The following WDFY1 variants were observed in gnomAD, a reference collection of about 807,000 sequenced individuals.
The protein encoded by WDFY1 is WD repeat and FYVE domain containing 1, also known as WD repeat and FYVE domain-containing protein 1.
In WDFY1, 32 loss-of-function variants were observed where a neutral mutation model predicts 56.4. The ratio of observed to expected loss-of-function variants is 0.57; its 90% CI spans 0.43 to 0.76. WDFY1 has a LOEUF of 0.76. Among genes scored for constraint, WDFY1 ranks in the 30% least tolerant of loss-of-function variants. The probability of loss-of-function intolerance (pLI) is 0.00; values close to 1 mark genes in which losing one functional copy is unlikely to be tolerated. For synonymous variants in WDFY1, 192 were observed against 197.3 expected (o/e 0.97, Z 0.23); for missense variants, 480 against 545.7 (o/e 0.88, Z 1.20).
chr2:223,939,694 G>A lies in WDFY1; in HGVS notation c.137+5454C>T, dbSNP rs573528357. ...TCACTGCCACGAGAACAGTATGGGGGAAACTGCCCTCATGATTCAATTATT... is the reference window on the plus strand; with the variant it reads ...TCACTGCCACGAGAACAGTATGGGGAAAACTGCCCTCATGATTCAATTATT... On this transcript the variant is annotated intron_variant, in intron 1 of 11. Coordinates refer to ENST00000233055, the MANE Select transcript of WDFY1 (RefSeq NM_020830.5). Among the ~76,000 whole-genome samples, 5 of 152,218 alleles carry A rather than the reference G, an allele frequency of 3.3e-5. No homozygotes were observed. The East Asian group carries it at 9.7e-4, about 29-fold the overall frequency.
At chr2:223,904,459 GCCAGGCTGGCCT>G (rs1693564461) in intron 4 of WDFY1, among the ~76,000 whole-genome samples, 1 of 152,004 alleles carries the variant, frequency 6.6e-6, no homozygotes. Context: ...CACCATGTTG[GCCAGGCTGGCCT>G]CAAACTCCTG....
intron 1 of WDFY1, among the ~76,000 whole-genome samples, chr2:223,943,095 C>A (rs1372387933): frequency 6.6e-6 from 1 of 150,946 alleles, no homozygotes; most frequent in African/African-American, 2.4e-5. Context: ...GCAGGAGAAT[C>A]GCTTGAACCT....
At chr2:223,940,942 C>A (rs946355057) in intron 1 of WDFY1, among the ~76,000 whole-genome samples, 11 of 152,198 alleles carry the variant, frequency 7.2e-5, no homozygotes, top group Admixed American at 1.3e-4. Context: ...CCTGCCTCAG[C>A]CTCCCAAGTA....
chr2:223,914,435 CTTTCA>C (rs1488257914), intron 2 of WDFY1, among the ~76,000 whole-genome samples: 3 of 152,112 alleles, frequency 2.0e-5, no homozygotes, highest in Non-Finnish European at 4.4e-5. Flanking sequence ...AACATAAACC[CTTTCA>C]TTTATGATTG....
chr2:223,932,812 T>A (rs1694100687), intron 1 of WDFY1, among the ~76,000 whole-genome samples: 2 of 151,502 alleles, frequency 1.3e-5, no homozygotes, highest in Admixed American at 6.6e-5. Context: ...AACATTTCTG[T>A]CACCTATAGC....
At chr2:223,917,768 C>CA (rs1260929871) in intron 2 of WDFY1, among the ~76,000 whole-genome samples, 175 bp downstream of exon 2, 1 of 152,118 alleles carries the variant, frequency 6.6e-6, no homozygotes, top group Admixed American at 6.6e-5. Flanking sequence ...GACGGGCTTT[C>CA]ACCATGTTGG....
At chr2:223,938,859 T>TTTTA (rs2106105210) in intron 1 of WDFY1, among the ~76,000 whole-genome samples, 1 of 150,886 alleles carries the variant, frequency 6.6e-6, no homozygotes, top group East Asian at 1.9e-4. Context: ...AAGCAGTATT[T>TTTTA]TTTTTTTTTT....
At chr2:223,929,422 A>T (rs1456703663) in intron 1 of WDFY1, among the ~76,000 whole-genome samples, 1 of 152,032 alleles carries the variant, frequency 6.6e-6, no homozygotes, top group Non-Finnish European at 1.5e-5. Flanking sequence ...TCCTGACCTC[A>T]GGTGATCTGC....
intron 8 of WDFY1, among the ~76,000 whole-genome samples, chr2:223,889,203 C>T (rs1693226744): frequency 6.6e-6 from 1 of 152,086 alleles, no homozygotes; most frequent in Non-Finnish European, 1.5e-5. Flanking sequence ...GGTGTCTGGC[C>T]TCTCAATTCA....
chr2:223,895,394 T>G, intron 7 of WDFY1, 110 bp downstream of exon 7: 1 of 1,514,250 alleles, frequency 6.6e-7, no homozygotes, highest in Non-Finnish European at 9.1e-7. Context: ...CAATGATAAT[T>G]GCCATCTTAG....
At chr2:223,909,792 G>A (rs1273434131) in intron 3 of WDFY1, among the ~76,000 whole-genome samples, 1 of 151,920 alleles carries the variant, frequency 6.6e-6, no homozygotes, top group Non-Finnish European at 1.5e-5. Context: ...CATGGCCACT[G>A]TCCCTTCACC....
chr2:223,881,964 A>T lies in WDFY1; in HGVS notation c.1042T>A (p.Tyr348Asn). The T allele has an allele frequency of 6.2e-7, 1 of 1,613,910 alleles. No homozygotes were observed. The highest frequency in any genetic ancestry group is 8.5e-7 in the Non-Finnish European group (1 of 1,179,818). The change falls in exon 10 of 12, where the codon TAC (tyrosine) becomes AAC (asparagine). Residue 348 changes from tyrosine to asparagine, a missense_variant. Transcript: ENST00000233055. ...EFQVRVCDSC[Y>N]DSIKDEDRTS... Reference sequence around the variant, plus strand: ...CACTCTTCATCTTTGATGGAGTCGTAACAAGAATCACAAACCCGGACTTGG... The same window carrying T: ...CACTCTTCATCTTTGATGGAGTCGTTACAAGAATCACAAACCCGGACTTGG...
In WDFY1 at chr2:223,877,604, G is replaced by A. The variant is rs1374718286; in HGVS notation, c.*1067C>T. 2.0e-5 allele frequency: 3 copies of A among 152,210 alleles called. No individual in the cohort carries two copies. Among genetic ancestry groups the A allele is most frequent in the Non-Finnish European group, 2.9e-5 (2 of 68,050 alleles). 9.4% of individuals were successfully genotyped at this position (152,210 alleles called of 1,614,324 possible). On this transcript the variant is annotated 3_prime_UTR_variant, in exon 12 of 12. Coordinates refer to ENST00000233055, the MANE Select transcript of WDFY1 (RefSeq NM_020830.5). ...AGCAATTTATGAGTTGGGAATTATTGTGGAAGACTTGATGGATGATTATAG... is the reference window on the plus strand; with the variant it reads ...AGCAATTTATGAGTTGGGAATTATTATGGAAGACTTGATGGATGATTATAG...
intron 3 of WDFY1, among the ~76,000 whole-genome samples, chr2:223,911,493 A>G (rs1179091550): frequency 2.0e-5 from 3 of 152,120 alleles, no homozygotes; most frequent in South Asian, 2.1e-4. Flanking sequence ...AGAAACTTGA[A>G]TATCAGGTCC....
chr2:223,914,022 G>A (rs112809685), intron 2 of WDFY1, among the ~76,000 whole-genome samples: 5,191 of 96,276 alleles, frequency 0.054, 334 homozygotes, highest in African/African-American at 0.18. Context: ...TTTTTGAGAT[G>A]GTGTCTTGCT....
At chr2:223,880,461 GCT>G (rs1693047138) in intron 10 of WDFY1, among the ~76,000 whole-genome samples, 1 of 151,842 alleles carries the variant, frequency 6.6e-6, no homozygotes, top group Admixed American at 6.6e-5. Context: ...ATAAAAATTA[GCT>G]CTGTGTGGTG....
At chr2:223,879,059 T>C (rs1693021007) in intron 11 of WDFY1, among the ~76,000 whole-genome samples, 1 of 152,090 alleles carries the variant, frequency 6.6e-6, no homozygotes, top group Non-Finnish European at 1.5e-5. Context: ...TGGTGGCACA[T>C]GCCTGTGGTC....
chr2:223,942,378 C>A (rs1053612025), intron 1 of WDFY1, among the ~76,000 whole-genome samples: 1 of 151,572 alleles, frequency 6.6e-6, no homozygotes, highest in African/African-American at 2.4e-5. Flanking sequence ...TGCCACCACA[C>A]CTGGCTAATT....
intron 8 of WDFY1, among the ~76,000 whole-genome samples, chr2:223,887,264 T>A (rs1693188087): frequency 6.6e-6 from 1 of 152,176 alleles, no homozygotes. Flanking sequence ...CACAGGGTAT[T>A]TAATTGCCGG....
Sources: allele counts gnomAD v4.1 joint callset (sites outside exome capture counted in the v4.1 genomes callset), GRCh38; gene constraint gnomAD v4.1.1; transcripts MANE v1.5; gene names NCBI Gene and HGNC (gene_info 2026-07-23, HGNC 2026-07-21).